The following GLRA1 variants were observed in gnomAD, a reference collection of about 807,000 sequenced individuals.
The protein encoded by GLRA1 is glycine receptor alpha 1.
A neutral mutation model predicts 48.3 loss-of-function variants in GLRA1; 37 were observed. That is an observed-to-expected ratio of 0.77 (90% CI 0.59 to 1.01). GLRA1 has a LOEUF of 1.01. Ranked by LOEUF, GLRA1 falls within the 50% of genes least tolerant of loss-of-function variation. GLRA1 has a pLI of 0.00. For missense variants in GLRA1, 427 were observed against 571.0 expected, an observed-to-expected ratio of 0.75 and a Z score of 2.57; for synonymous variants, 196 against 210.7, an observed-to-expected ratio of 0.93 and a Z score of 0.60.
At chr5:151,848,376 C>CT (rs1300346826) in intron 7 of GLRA1, among the ~76,000 whole-genome samples, 2 of 151,234 alleles carry the variant, frequency 1.3e-5, no homozygotes, top group African/African-American at 2.4e-5. Context: ...TTTTCTTTTT[C>CT]TTTTTTTTTA....
intron 3 of GLRA1, among the ~76,000 whole-genome samples, chr5:151,865,779 A>T (rs1265501810): frequency 2.0e-5 from 3 of 152,108 alleles, no homozygotes; most frequent in African/African-American, 7.2e-5. Context: ...AGAGCGAGAG[A>T]CGGAGAATGT....
In GLRA1 at chr5:151,924,606, T is replaced by C. The variant is rs1754965415; in HGVS notation, c.-57A>G. 25 of 1,068,222 alleles carry C rather than the reference T, an allele frequency of 2.3e-5. No individual in the cohort carries two copies. In the South Asian group the frequency reaches 2.7e-4, roughly 12 times the overall value. 66.2% of individuals were successfully genotyped at this position (1,068,222 alleles called of 1,614,324 possible). A position where few individuals can be genotyped will look rare whatever the true frequency, so the allele number is the denominator to read the frequency against. On this transcript the variant is annotated 5_prime_UTR_variant, in exon 1 of 9. Coordinates refer to ENST00000274576, the MANE Select transcript of GLRA1 (RefSeq NM_000171.4). ...GTTATGGGGGCAAAAATGTTTCAAA[T>C]TGGCACTTACAAAACCAGAAAGCGC...
chr5:151,892,548 G>A lies in GLRA1; in HGVS notation c.57-110C>T, dbSNP rs558440647. ...AGAACCACAAGAGTGTTCTTAGCTG[G>A]AGTAATATGGGTAATATGGGTCCTT... On this transcript the variant is annotated intron_variant, in intron 1 of 8. Coordinates refer to ENST00000274576, the MANE Select transcript of GLRA1 (RefSeq NM_000171.4). The A allele has an allele frequency of 7.8e-6, 9 of 1,158,078 alleles. No homozygotes were observed. The African/African-American group carries it at 1.1e-4, about 14-fold the overall frequency. 71.7% of individuals were successfully genotyped at this position (1,158,078 alleles called of 1,614,324 possible). A position where few individuals can be genotyped will look rare whatever the true frequency, so the allele number is the denominator to read the frequency against.
At chr5:151,852,414 A>G (rs2113345133) in intron 6 of GLRA1, among the ~76,000 whole-genome samples, 1 of 152,274 alleles carries the variant, frequency 6.6e-6, no homozygotes, top group South Asian at 2.1e-4. Flanking sequence ...AGAGCCTTCA[A>G]GATATAATAC....
intron 1 of GLRA1, among the ~76,000 whole-genome samples, chr5:151,896,711 T>G (rs559385958): frequency 6.6e-6 from 1 of 152,362 alleles, no homozygotes; most frequent in South Asian, 2.1e-4. Context: ...ACCACCTCTA[T>G]TAGTCACTTA....
chr5:151,892,639 AG>A (rs1754108649), intron 1 of GLRA1, among the ~76,000 whole-genome samples: 2 of 152,348 alleles, frequency 1.3e-5, no homozygotes, highest in African/African-American at 4.8e-5. Context: ...GGATCCTGGC[AG>A]GCAGCCAAGT....
intron 1 of GLRA1, 72 bp from the exon 2 acceptor site, chr5:151,892,510 G>A (rs1581650080): frequency 3.3e-6 from 5 of 1,521,558 alleles, no homozygotes; most frequent in Non-Finnish European, 4.5e-6. Context: ...TCCCAGCCTT[G>A]TCCAACCTCT....
chr5:151,829,381 A>G (rs963451636), intron 7 of GLRA1, among the ~76,000 whole-genome samples: 3 of 152,242 alleles, frequency 2.0e-5, no homozygotes, highest in African/African-American at 7.2e-5. Context: ...AAACTGTTGT[A>G]GTGAGCATTA....
At chr5:151,873,085 G>A (rs1167452510) in intron 3 of GLRA1, among the ~76,000 whole-genome samples, 3 of 149,638 alleles carry the variant, frequency 2.0e-5, no homozygotes, top group Non-Finnish European at 4.4e-5. Context: ...AATTACAAAA[G>A]CTTGTTTTCA....
chr5:151,917,595 A>C (rs1246413407), intron 1 of GLRA1, among the ~76,000 whole-genome samples: 2 of 152,146 alleles, frequency 1.3e-5, no homozygotes, highest in Admixed American at 6.5e-5. Flanking sequence ...GCTCTTTTAT[A>C]TATTTGTTAT....
chr5:151,917,675 C>G (rs529453629), intron 1 of GLRA1, among the ~76,000 whole-genome samples: 1 of 152,202 alleles, frequency 6.6e-6, no homozygotes, highest in African/African-American at 2.4e-5. Flanking sequence ...GTTTGGGAAT[C>G]TGTCTTTTTG....
intron 1 of GLRA1, among the ~76,000 whole-genome samples, chr5:151,919,471 G>T (rs961191041): frequency 3.3e-5 from 5 of 152,170 alleles, no homozygotes; most frequent in Non-Finnish European, 5.9e-5. Context: ...CAATAATCAT[G>T]TCTGGGTCGG....
chr5:151,848,894 T>A (rs1399348085), intron 7 of GLRA1: 1 of 663,038 alleles, frequency 1.5e-6, no homozygotes, highest in African/African-American at 1.8e-5. Flanking sequence ...CATGACCGCC[T>A]CAGCACATTC....
At chr5:151,850,058 A>C in intron 7 of GLRA1, 1 of 1,603,630 alleles carries the variant, frequency 6.2e-7, no homozygotes, top group Non-Finnish European at 8.5e-7. Flanking sequence ...AGCAACCAGC[A>C]CCCTGGTTTG....
chr5:151,882,748 G>GT (rs1171026296), intron 3 of GLRA1, among the ~76,000 whole-genome samples: 2 of 150,712 alleles, frequency 1.3e-5, no homozygotes, highest in South Asian at 2.1e-4. Context: ...AGATCTGAGA[G>GT]TTTTTTCCCC....
intron 3 of GLRA1, among the ~76,000 whole-genome samples, chr5:151,864,298 AG>A (rs1753278520): frequency 6.6e-6 from 1 of 152,238 alleles, no homozygotes; most frequent in Non-Finnish European, 1.5e-5. Flanking sequence ...TGTGGCTAGC[AG>A]GAAGAAAAGA....
At chr5:151,893,360 C>CTTT (rs1754147012) in intron 1 of GLRA1, among the ~76,000 whole-genome samples, 2 of 97,040 alleles carry the variant, frequency 2.1e-5, no homozygotes, top group African/African-American at 4.0e-5. Context: ...TTCTTTCTTT[C>CTTT]ATTTTAGTTC....
intron 3 of GLRA1, among the ~76,000 whole-genome samples, chr5:151,876,038 G>T (rs1265934345): frequency 2.6e-5 from 4 of 152,200 alleles, no homozygotes; most frequent in African/African-American, 4.8e-5. Flanking sequence ...CTCAGTAAAT[G>T]ACAAACACCA....
intron 7 of GLRA1, among the ~76,000 whole-genome samples, chr5:151,843,292 ACT>A (rs1752559485): frequency 8.3e-6 from 1 of 121,200 alleles, no homozygotes; most frequent in Admixed American, 1.1e-4. Context: ...ATGGAGTCTC[ACT>A]CTCTCTCCCA....
Sources: gnomAD v4.1 joint callset for allele counts (sites outside exome capture counted in the v4.1 genomes callset) on GRCh38, gnomAD v4.1.1 for gene constraint, MANE v1.5 for transcripts, NCBI Gene and HGNC (gene_info 2026-07-23, HGNC 2026-07-21) for gene names.